Variants in METTL5 observed in about 807,000 individuals in gnomAD.
The protein encoded by METTL5 is rRNA N(6)-adenosine-methyltransferase METTL5.
METTL5 carries 28 observed loss-of-function variants against 26.5 expected under a neutral mutation model. That is an observed-to-expected ratio of 1.06 (90% CI 0.78 to 1.45). The LOEUF is 1.45. Ranked by LOEUF, METTL5 falls within the 40% of genes most tolerant of loss-of-function variation. METTL5 has a pLI of 0.00. For synonymous variants in METTL5, 86 were observed against 82.6 expected (o/e 1.04, Z -0.22); for missense variants, 231 against 249.9 (o/e 0.92, Z 0.51).
intron 3 of METTL5, among the ~76,000 whole-genome samples, chr2:169,820,860 A>G (rs528251379): frequency 4.2e-4 from 63 of 150,288 alleles, no homozygotes; most frequent in African/African-American, 1.5e-3. Flanking sequence ...CTATAGGTGC[A>G]CCACCACACT....
rs372486285 is a variant in METTL5 at position 169,811,759 on chromosome 2, T to C, written c.*61A>G. The stretch of plus-strand genomic sequence containing the variant: ...AAAATGGTGCTGGAGACCAGTAGTT[T>C]AGTAAACCAATTTTTTATTCATTTT... On this transcript the variant is annotated 3_prime_UTR_variant, in exon 7 of 7. Transcript: ENST00000260953. 3.1e-6 allele frequency: 5 copies of C among 1,613,174 alleles called. No homozygotes were observed. The African/African-American group carries it at 5.3e-5, about 17-fold the overall frequency.
chr2:169,820,660 T>C (rs2081571273), intron 3 of METTL5, among the ~76,000 whole-genome samples: 1 of 152,254 alleles, frequency 6.6e-6, no homozygotes. Flanking sequence ...CCTTGGTTTA[T>C]TTAATGAAGA....
At position 169,812,280 on chromosome 2, in the gene METTL5, G is replaced by A. The variant is rs554591875; in HGVS notation, c.591+177C>T. On this transcript the variant is annotated intron_variant, in intron 6 of 6. Transcript: ENST00000260953. ...TTCGAGACTGAGTCTCACTCTTATCGCGCAGGCTGGAGTTCAGTGGGGCAA... is the reference window on the plus strand; with the variant it reads ...TTCGAGACTGAGTCTCACTCTTATCACGCAGGCTGGAGTTCAGTGGGGCAA... 23 of 955,498 alleles carry A rather than the reference G, an allele frequency of 2.4e-5. No individual in the cohort carries two copies. The Middle Eastern group carries it at 1.8e-3, about 73-fold the overall frequency. The allele number at this position is 955,498 out of a possible 1,614,324, so 59.2% of individuals were successfully genotyped here.
At chr2:169,823,612 G>A (rs73016494) in intron 1 of METTL5, among the ~76,000 whole-genome samples, 4,774 of 152,218 alleles carry the variant, frequency 0.031, 76 homozygotes, top group Middle Eastern at 0.062. Flanking sequence ...TTCAGCCCAG[G>A]AGTCTGAGAC....
At chr2:169,822,993 G>GT (rs199892089) in intron 1 of METTL5, among the ~76,000 whole-genome samples, 50 of 149,958 alleles carry the variant, frequency 3.3e-4, no homozygotes, top group Admixed American at 6.6e-4. Context: ...GTTTTTTGTT[G>GT]TTTTTTTTCA....
intron 5 of METTL5, among the ~76,000 whole-genome samples, chr2:169,813,820 C>A (rs1690061386): frequency 6.6e-6 from 1 of 151,994 alleles, no homozygotes; most frequent in African/African-American, 2.4e-5. Context: ...GAGCCAAGAT[C>A]GTGCTGCTGC....
At chr2:169,820,108 C>T (rs1331517894) in intron 3 of METTL5, among the ~76,000 whole-genome samples, 1 of 152,096 alleles carries the variant, frequency 6.6e-6, no homozygotes, top group Non-Finnish European at 1.5e-5. Context: ...CAGGCATGTG[C>T]CACCATGCCT....
At chr2:169,818,474 T>C (rs1436896310) in intron 4 of METTL5, among the ~76,000 whole-genome samples, 2 of 152,218 alleles carry the variant, frequency 1.3e-5, no homozygotes, top group African/African-American at 4.8e-5. Flanking sequence ...GGACACAGGT[T>C]TGGATACCAA....
At chr2:169,815,010 G>C (rs150287812) in intron 5 of METTL5, among the ~76,000 whole-genome samples, 36 of 152,152 alleles carry the variant, frequency 2.4e-4, no homozygotes, top group African/African-American at 8.2e-4. Flanking sequence ...TCCCGCCTCA[G>C]TCTCCCAAGT....
chr2:169,816,782 A>G (rs2081513645), intron 4 of METTL5, among the ~76,000 whole-genome samples: 1 of 152,236 alleles, frequency 6.6e-6, no homozygotes, highest in Admixed American at 6.5e-5. Context: ...CTTACACCTT[A>G]CATGAAAATT....
chr2:169,815,355 C>G (rs2081488693), intron 5 of METTL5, 122 bp downstream of exon 5: 1 of 651,232 alleles, frequency 1.5e-6, no homozygotes, highest in Admixed American at 2.9e-5. Context: ...CAATCTATTA[C>G]CAATCATGCA....
intron 2 of METTL5, 135 bp from the exon 3 acceptor site, chr2:169,821,408 CTTT>C (rs370579426): frequency 1.3e-5 from 7 of 522,818 alleles, no homozygotes; most frequent in South Asian, 2.9e-5. Flanking sequence ...GTGTTTTCTT[CTTT>C]TTTTTTTTCT....
intron 5 of METTL5, 153 bp from the exon 6 acceptor site, chr2:169,812,659 G>C: frequency 1.3e-6 from 1 of 751,062 alleles, no homozygotes; most frequent in South Asian, 2.0e-5. Context: ...AGTGACTTCT[G>C]TATTCCTAGC....
intron 4 of METTL5, among the ~76,000 whole-genome samples, chr2:169,818,610 A>T (rs1471380901): frequency 6.6e-6 from 1 of 152,164 alleles, no homozygotes; most frequent in African/African-American, 2.4e-5. Flanking sequence ...TAGCTGTTAT[A>T]TTTTATGCTT....
At chr2:169,814,186 A>G (rs1416776910) in intron 5 of METTL5, among the ~76,000 whole-genome samples, 1 of 151,944 alleles carries the variant, frequency 6.6e-6, no homozygotes, top group Non-Finnish European at 1.5e-5. Flanking sequence ...TTCCAGGGGT[A>G]ATTAGAGAAT....
chr2:169,819,443 A>G, intron 4 of METTL5, 118 bp downstream of exon 4: 1 of 667,678 alleles, frequency 1.5e-6, no homozygotes. Flanking sequence ...TAAGTTTCAC[A>G]TGTCAAAATG....
At chr2:169,812,352 T>C (rs1558974654) in intron 6 of METTL5, 105 bp downstream of exon 6, 1 of 1,602,158 alleles carries the variant, frequency 6.2e-7, no homozygotes, top group Admixed American at 1.7e-5. Context: ...GCGATTCTCT[T>C]GCCTCAGCCT....
chr2:169,817,262 A>G (rs2081521597), intron 4 of METTL5, among the ~76,000 whole-genome samples: 1 of 152,234 alleles, frequency 6.6e-6, no homozygotes, highest in African/African-American at 2.4e-5. Flanking sequence ...TAGAATGGCA[A>G]TCATTAAAAA....
At chr2:169,812,428 T>C (rs372891816) in intron 6 of METTL5, 29 bp downstream of exon 6, 89 of 1,613,786 alleles carry the variant, frequency 5.5e-5, no homozygotes, top group Non-Finnish European at 7.3e-5. Flanking sequence ...CAATACCGAA[T>C]GTAGACCAGC....
Sources: gnomAD v4.1 joint callset for allele counts (sites outside exome capture counted in the v4.1 genomes callset) on GRCh38, gnomAD v4.1.1 for gene constraint, MANE v1.5 for transcripts, NCBI Gene and HGNC (gene_info 2026-07-23, HGNC 2026-07-21) for gene names.